ZSWIM6: variants seen among roughly 807,000 people sequenced by gnomAD.
ZSWIM6 encodes the protein zinc finger SWIM domain-containing protein 6.
ZSWIM6 carries 9 observed loss-of-function variants against 113.2 expected under a neutral mutation model. The observed-to-expected ratio is 0.08, with a 90% CI of 0.05 to 0.14. ZSWIM6 has a LOEUF of 0.14. Ranked by LOEUF, ZSWIM6 falls within the 10% of genes least tolerant of loss-of-function variation. The probability of loss-of-function intolerance (pLI) is 1.00; values close to 1 mark genes in which losing one functional copy is unlikely to be tolerated. For synonymous variants in ZSWIM6, 611 were observed against 606.5 expected, an observed-to-expected ratio of 1.01 and a Z score of -0.11; for missense variants, 1,162 against 1,552.2, an observed-to-expected ratio of 0.75 and a Z score of 4.22.
chr5:61,333,075 A>C, intron 1 of ZSWIM6, 127 bp downstream of exon 1: 2 of 970,444 alleles, frequency 2.1e-6, no homozygotes, highest in Non-Finnish European at 2.5e-6. Flanking sequence ...GGGTGTCCTC[A>C]CTGGCCCGGA....
chr5:61,405,725 G>A (rs1746030317), intron 1 of ZSWIM6, among the ~76,000 whole-genome samples: 1 of 152,168 alleles, frequency 6.6e-6, no homozygotes, highest in Admixed American at 6.5e-5. Flanking sequence ...GAGACAGAGT[G>A]TCAAGAGCTC....
chr5:61,497,719 T>A (rs1291934029), intron 4 of ZSWIM6, among the ~76,000 whole-genome samples: 2 of 152,200 alleles, frequency 1.3e-5, no homozygotes, highest in East Asian at 3.8e-4. Flanking sequence ...AGATGAGTAA[T>A]GTTGTATCAT....
At chr5:61,490,044 C>T (rs1748136595) in intron 2 of ZSWIM6, among the ~76,000 whole-genome samples, 1 of 151,908 alleles carries the variant, frequency 6.6e-6, no homozygotes, top group Non-Finnish European at 1.5e-5. Flanking sequence ...ACTTATGAAT[C>T]TTAGACCTTA....
At chr5:61,440,467 T>G (rs1746802990) in intron 1 of ZSWIM6, among the ~76,000 whole-genome samples, 1 of 150,684 alleles carries the variant, frequency 6.6e-6, no homozygotes, top group Non-Finnish European at 1.5e-5. Context: ...TTTCACATAA[T>G]CAATGTCTCT....
intron 13 of ZSWIM6, among the ~76,000 whole-genome samples, chr5:61,542,166 G>A (rs1347377509): frequency 6.6e-6 from 1 of 152,176 alleles, no homozygotes; most frequent in East Asian, 1.9e-4. Flanking sequence ...ACTTGAAATG[G>A]TCACATTTGT....
chr5:61,388,627 G>C (rs1289096726), intron 1 of ZSWIM6, among the ~76,000 whole-genome samples: 1 of 152,202 alleles, frequency 6.6e-6, no homozygotes, highest in Admixed American at 6.5e-5. Flanking sequence ...GATAAACCAA[G>C]GCACAGATAT....
At chr5:61,462,926 T>A (rs1747349261) in intron 1 of ZSWIM6, among the ~76,000 whole-genome samples, 1 of 152,208 alleles carries the variant, frequency 6.6e-6, no homozygotes, top group Non-Finnish European at 1.5e-5. Flanking sequence ...CCTTGTGCCA[T>A]CCTGCATTCT....
chr5:61,479,652 G>C (rs1747804355), intron 2 of ZSWIM6, among the ~76,000 whole-genome samples: 2 of 152,190 alleles, frequency 1.3e-5, no homozygotes, highest in Admixed American at 1.3e-4. Flanking sequence ...GTGTTTAAGA[G>C]TTCCAGCTTT....
intron 13 of ZSWIM6, among the ~76,000 whole-genome samples, chr5:61,542,522 AAAAT>A (rs1297439763): frequency 2.6e-5 from 4 of 152,268 alleles, no homozygotes; most frequent in Non-Finnish European, 2.9e-5. Flanking sequence ...GTTGCTATTT[AAAAT>A]AAATAGTGGT....
chr5:61,370,210 C>G (rs1745237738), intron 1 of ZSWIM6, among the ~76,000 whole-genome samples: 1 of 152,102 alleles, frequency 6.6e-6, no homozygotes. Context: ...GATTTGTATT[C>G]TATTTTAAAT....
In ZSWIM6 at chr5:61,472,619, G is replaced by A. The variant is rs1336740758; in HGVS notation, c.677-62G>A. ...AAGTCCCACACATTTCAAAGAATTAGAGCATTTCATAGCATCTGAATGCAG... is the reference window on the plus strand; with the variant it reads ...AAGTCCCACACATTTCAAAGAATTAAAGCATTTCATAGCATCTGAATGCAG... On this transcript the variant is annotated intron_variant, in intron 1 of 13. Coordinates refer to ENST00000252744, the MANE Select transcript of ZSWIM6 (RefSeq NM_020928.2). This position sits in a 1 kb window ranked among gnomAD's most constrained non-coding sequence, Gnocchi z 4.1. 43 of 1,285,164 alleles carry A rather than the reference G, an allele frequency of 3.3e-5. No homozygotes were observed. The highest frequency in any genetic ancestry group is 4.2e-5 in the Non-Finnish European group (40 of 954,948). The allele number at this position is 1,285,164 out of a possible 1,614,324, so 79.6% of individuals were successfully genotyped here.
intron 1 of ZSWIM6, among the ~76,000 whole-genome samples, chr5:61,460,210 C>T (rs1440285694): frequency 6.6e-6 from 1 of 152,178 alleles, no homozygotes; most frequent in Non-Finnish European, 1.5e-5. Context: ...GGAGAAAAAT[C>T]ACAAAATCCT....
chr5:61,410,309 C>CTTT (rs532542169), intron 1 of ZSWIM6, among the ~76,000 whole-genome samples: 2 of 129,998 alleles, frequency 1.5e-5, no homozygotes, highest in Non-Finnish European at 3.3e-5. Context: ...GATGTATTTC[C>CTTT]TTTTTTTTTT....
At position 61,337,826 on chromosome 5, in the gene ZSWIM6, G is replaced by C. The variant is rs566847821; in HGVS notation, c.676+4878G>C. Reference sequence around the variant, plus strand: ...GTTAAGTGAATGGTCAAGGTTTTTGGGGGGGACTTTAACTTTTTACTTTAT... The same window carrying C: ...GTTAAGTGAATGGTCAAGGTTTTTGCGGGGGACTTTAACTTTTTACTTTAT... On this transcript the variant is annotated intron_variant, in intron 1 of 13. Coordinates refer to ENST00000252744, the MANE Select transcript of ZSWIM6 (RefSeq NM_020928.2). Among the ~76,000 whole-genome samples the C allele has an allele frequency of 8.2e-4, 125 of 152,246 alleles. 3 individuals are homozygous for C. The highest frequency in any genetic ancestry group is 6.7e-3 in the Admixed American group (103 of 15,294).
intron 1 of ZSWIM6, among the ~76,000 whole-genome samples, chr5:61,339,979 G>T (rs1370482839): frequency 1.3e-5 from 2 of 152,188 alleles, no homozygotes; most frequent in Non-Finnish European, 2.9e-5. Flanking sequence ...CTTGTCTTGT[G>T]AAGAGACGTT....
Position 61,521,435 on chromosome 5 carries a change from C to G in ZSWIM6, c.1506C>G (p.Ala502=). ...LTNALPQGAN[A]NQDSSNRPHR... ...ATGCTCTGCCTCAGGGTGCAAATGC[C>G]AACCAAGGTGAGTCTACCATAATGT... Residue 502 remains alanine, a synonymous_variant, in exon 5 of 14, where the codon GCC becomes GCG. Transcript: ENST00000252744. The G allele has an allele frequency of 6.8e-7, 1 of 1,464,102 alleles. No individual in the cohort carries two copies. The highest frequency in any genetic ancestry group is 9.1e-7 in the Non-Finnish European group (1 of 1,101,308). The allele number at this position is 1,464,102 out of a possible 1,614,324, so 90.7% of individuals were successfully genotyped here. A position where few individuals can be genotyped will look rare whatever the true frequency, so the allele number is the denominator to read the frequency against.
chr5:61,461,484 CT>C (rs1747322410), intron 1 of ZSWIM6, among the ~76,000 whole-genome samples: 1 of 152,184 alleles, frequency 6.6e-6, no homozygotes, highest in South Asian at 2.1e-4. Context: ...CCTTGTCTTA[CT>C]TTTGAGTTGT....
chr5:61,384,032 G>C (rs1016443281), intron 1 of ZSWIM6, among the ~76,000 whole-genome samples: 2 of 150,144 alleles, frequency 1.3e-5, no homozygotes, highest in Non-Finnish European at 3.0e-5. Context: ...ATGAGGTCAG[G>C]AGATCGAGAC....
At position 61,407,543 on chromosome 5, in the gene ZSWIM6, A is replaced by G. The variant is rs115396844; in HGVS notation, c.677-65138A>G. Reference sequence around the variant, plus strand: ...AAAAAATTTTCACAAATCATGTCACAAAGAGCTAATTTTCTTAAAATATAT... The same window carrying G: ...AAAAAATTTTCACAAATCATGTCACGAAGAGCTAATTTTCTTAAAATATAT... On this transcript the variant is annotated intron_variant, in intron 1 of 13. Coordinates refer to ENST00000252744, the MANE Select transcript of ZSWIM6 (RefSeq NM_020928.2). 1.8e-3 allele frequency among the ~76,000 whole-genome samples: 271 copies of G among 152,344 alleles called. 1 individual carries two copies. Among genetic ancestry groups the G allele is most frequent in the African/African-American group, 5.9e-3 (244 of 41,578 alleles).
Sources: gnomAD v4.1 joint callset for allele counts (sites outside exome capture counted in the v4.1 genomes callset) on GRCh38, gnomAD v4.1.1 for gene constraint, Gnocchi (gnomAD v3.1) non-coding constraint, MANE v1.5 for transcripts, NCBI Gene and HGNC (gene_info 2026-07-23, HGNC 2026-07-21) for gene names.